The following OSBPL10 variants were observed in gnomAD, a reference collection of about 807,000 sequenced individuals.
OSBPL10 encodes oxysterol-binding protein-related protein 10.
In OSBPL10, 49 loss-of-function variants were observed where a neutral mutation model predicts 81.7. That is an observed-to-expected ratio of 0.60 (90% CI 0.48 to 0.76). The LOEUF is 0.76. Ranked by LOEUF, OSBPL10 falls within the 30% of genes least tolerant of loss-of-function variation. The probability of loss-of-function intolerance (pLI) is 0.00; values close to 1 mark genes in which losing one functional copy is unlikely to be tolerated. For synonymous variants in OSBPL10, 419 were observed against 383.6 expected (o/e 1.09, Z -1.08); for missense variants, 923 against 987.8 (o/e 0.93, Z 0.88).
chr3:31,836,328 T>C (rs1559485583), intron 3 of OSBPL10, among the ~76,000 whole-genome samples: 2 of 152,222 alleles, frequency 1.3e-5, no homozygotes, highest in African/African-American at 2.4e-5. Flanking sequence ...TGAAAAATCG[T>C]GGTTCTTCCA....
rs780918821 is a variant in OSBPL10 at position 31,829,992 on chromosome 3, C to T, written c.729+48G>A. 3 of 1,536,410 alleles carry T rather than the reference C, an allele frequency of 2.0e-6. No homozygotes were observed. In the Admixed American group the frequency reaches 5.8e-5, roughly 30 times the overall value. On this transcript the variant is annotated intron_variant, in intron 4 of 11. Transcript: ENST00000396556. ...GGAGTCGGCAGAGCGACTGTCACAG[C>T]CCCCAACTCCCCGGGGCTGCTTAAC...
Position 31,684,015 on chromosome 3 carries a change from C to A in OSBPL10, c.1345G>T (p.Ala449Ser). Residue 449 changes from alanine (A) to serine (S), a missense_variant, in exon 8 of 12, where the codon GCC (alanine) becomes TCC (serine). Ala to Ser is a moderately conservative substitution (Grantham distance 99, BLOSUM62 1). Transcript: ENST00000396556. The part of the protein sequence containing the change: ...PDLLLAITAG[A>S]TPEERVICFV... ...CAAATGACTCTCTCCTCTGGTGTGGCCCCAGCGGTGATGGCCAGCAGTAGG... is the reference window on the plus strand; with the variant it reads ...CAAATGACTCTCTCCTCTGGTGTGGACCCAGCGGTGATGGCCAGCAGTAGG... The A allele has an allele frequency of 6.2e-7, 1 of 1,614,208 alleles. No homozygotes were observed. Among genetic ancestry groups the A allele is most frequent in the Non-Finnish European group, 8.5e-7 (1 of 1,180,040 alleles).
chr3:31,802,499 G>A (rs562804462), intron 4 of OSBPL10, among the ~76,000 whole-genome samples: 1 of 147,286 alleles, frequency 6.8e-6, no homozygotes, highest in South Asian at 2.2e-4. Flanking sequence ...CCAGGAGGTG[G>A]AGGTTGCAGT....
At chr3:31,893,757 T>TAC (rs1343063654) in intron 1 of OSBPL10, among the ~76,000 whole-genome samples, 10 of 152,102 alleles carry the variant, frequency 6.6e-5, no homozygotes, top group Non-Finnish European at 1.0e-4. Context: ...TGAAAAACAC[T>TAC]ACAAATTGTA....
chr3:32,068,420 T>C (rs1184725313), intron 1 of OSBPL10, among the ~76,000 whole-genome samples: 1 of 151,870 alleles, frequency 6.6e-6, no homozygotes, highest in East Asian at 1.9e-4. Context: ...CCCACCCCCC[T>C]TCTCCGTGTC....
chr3:32,027,813 G>T (rs771129340), intron 2 of OSBPL10, among the ~76,000 whole-genome samples: 1 of 152,126 alleles, frequency 6.6e-6, no homozygotes, highest in African/African-American at 2.4e-5. Flanking sequence ...TTAGGGGCAG[G>T]GGTGTTCAGA....
chr3:31,754,451 G>C (rs917383866), intron 4 of OSBPL10, among the ~76,000 whole-genome samples: 1 of 152,046 alleles, frequency 6.6e-6, no homozygotes, highest in Non-Finnish European at 1.5e-5. Context: ...CTAAACAGAT[G>C]ACAATGTTAC....
At chr3:31,931,205 AC>A (rs1697240045) in intron 1 of OSBPL10, among the ~76,000 whole-genome samples, 1 of 151,920 alleles carries the variant, frequency 6.6e-6, no homozygotes, top group South Asian at 2.1e-4. Context: ...TGGATTGAAA[AC>A]CATGTGAACG....
chr3:31,825,836 CACT>C (rs1331064573), intron 4 of OSBPL10, among the ~76,000 whole-genome samples: 4 of 152,078 alleles, frequency 2.6e-5, no homozygotes, highest in African/African-American at 4.8e-5. Context: ...TTCTGGGAAC[CACT>C]GTCTTAAACA....
At chr3:32,011,756 C>A (rs1472280667) in intron 2 of OSBPL10, among the ~76,000 whole-genome samples, 1 of 152,084 alleles carries the variant, frequency 6.6e-6, no homozygotes, top group Non-Finnish European at 1.5e-5. Context: ...TAAAGGACCT[C>A]ATGGAGCTGA....
chr3:31,676,263 ACTCTT>A (rs199509887), intron 8 of OSBPL10, among the ~76,000 whole-genome samples: 1 of 107,896 alleles, frequency 9.3e-6, no homozygotes, highest in South Asian at 2.7e-4. Context: ...CTTAGTACAT[ACTCTT>A]TTTTTTCAGG....
At chr3:31,989,660 G>T (rs1281718244) in intron 2 of OSBPL10, 31 of 1,613,946 alleles carry the variant, frequency 1.9e-5, no homozygotes, top group African/African-American at 4.0e-5. Flanking sequence ...ACGTCCCAAA[G>T]AATTTCTTCT....
chr3:31,719,772 G>A (rs1696576000), intron 6 of OSBPL10, among the ~76,000 whole-genome samples: 1 of 151,980 alleles, frequency 6.6e-6, no homozygotes, highest in African/African-American at 2.4e-5. Context: ...TATATGTAGA[G>A]GACAATTTAT....
chr3:32,043,258 A>G (rs1699593172), intron 2 of OSBPL10, among the ~76,000 whole-genome samples: 1 of 152,180 alleles, frequency 6.6e-6, no homozygotes, highest in Non-Finnish European at 1.5e-5. Context: ...ACGTCCGTTT[A>G]TAGGCTCTCT....
Position 31,678,629 on chromosome 3 carries a change from C to G in OSBPL10, c.1726+5005G>C, listed in dbSNP as rs192294659. Reference sequence around the variant, plus strand: ...ATGGCAAGAATTAGGGGCTCACAGACTGGGAGGTATTGACCCTCTACTCCA... The same window carrying G: ...ATGGCAAGAATTAGGGGCTCACAGAGTGGGAGGTATTGACCCTCTACTCCA... On this transcript the variant is annotated intron_variant, in intron 8 of 11. Coordinates refer to ENST00000396556, the MANE Select transcript of OSBPL10 (RefSeq NM_017784.5). Among the ~76,000 whole-genome samples, 15 of 152,284 alleles carry G rather than the reference C, an allele frequency of 9.9e-5. No homozygotes were observed. The East Asian group carries it at 2.9e-3, about 29-fold the overall frequency.
intron 4 of OSBPL10, among the ~76,000 whole-genome samples, chr3:31,771,197 A>G (rs1229503347): frequency 6.6e-6 from 1 of 152,240 alleles, no homozygotes; most frequent in Non-Finnish European, 1.5e-5. Context: ...AGGTTAAATG[A>G]GATTACACTC....
chr3:31,840,906 G>T (rs1307959873), intron 3 of OSBPL10, among the ~76,000 whole-genome samples: 1 of 152,152 alleles, frequency 6.6e-6, no homozygotes, highest in Non-Finnish European at 1.5e-5. Flanking sequence ...TGTTGTTGTT[G>T]TTGTTGTTTT....
intron 7 of OSBPL10, among the ~76,000 whole-genome samples, chr3:31,698,553 G>A (rs147305254): frequency 6.6e-6 from 1 of 152,092 alleles, no homozygotes; most frequent in African/African-American, 2.4e-5. Flanking sequence ...AACATCCTGA[G>A]CCCTCACAAT....
At chr3:31,735,398 C>T (rs1399662199) in intron 5 of OSBPL10, among the ~76,000 whole-genome samples, 1 of 152,136 alleles carries the variant, frequency 6.6e-6, no homozygotes, top group Non-Finnish European at 1.5e-5. Flanking sequence ...GGTGATTGCA[C>T]CACTACCCTC....
Sources: gnomAD v4.1 joint callset for allele counts (sites outside exome capture counted in the v4.1 genomes callset) on GRCh38, gnomAD v4.1.1 for gene constraint, MANE v1.5 for transcripts, NCBI Gene and HGNC (gene_info 2026-07-23, HGNC 2026-07-21) for gene names.